LRP2BP: variants seen among roughly 807,000 people sequenced by gnomAD.
The protein encoded by LRP2BP is LRP2 binding protein.
A neutral mutation model predicts 45.2 loss-of-function variants in LRP2BP; 38 were observed. The observed-to-expected ratio is 0.84, with a 90% CI of 0.65 to 1.10. LRP2BP has a LOEUF of 1.10. Ranked by LOEUF, LRP2BP falls within the 50% of genes least tolerant of loss-of-function variation. The pLI is 0.00. For synonymous variants in LRP2BP, 153 were observed against 153.9 expected (o/e 0.99, Z 0.04); for missense variants, 385 against 418.9 (o/e 0.92, Z 0.71).
At chr4:185,380,064 C>T (rs1012275925) in intron 1 of LRP2BP, among the ~76,000 whole-genome samples, 2 of 152,214 alleles carry the variant, frequency 1.3e-5, no homozygotes, top group Non-Finnish European at 2.9e-5. Flanking sequence ...CTCCAGCAAT[C>T]CTCCTGTCTC....
chr4:185,374,833 A>G (rs1414999796), intron 4 of LRP2BP, among the ~76,000 whole-genome samples: 1 of 152,186 alleles, frequency 6.6e-6, no homozygotes, highest in East Asian at 1.9e-4. Flanking sequence ...AAGAATGGCC[A>G]GGAACAGCTT....
At chr4:185,376,247 AATT>A (rs1208195999) in intron 3 of LRP2BP, among the ~76,000 whole-genome samples, 4 of 152,178 alleles carry the variant, frequency 2.6e-5, no homozygotes, top group African/African-American at 9.7e-5. Context: ...TCAAGGCTTC[AATT>A]ATTATTAATA....
intron 1 of LRP2BP, among the ~76,000 whole-genome samples, chr4:185,383,133 C>G (rs939989274): frequency 6.6e-6 from 1 of 152,156 alleles, no homozygotes; most frequent in African/African-American, 2.4e-5. Context: ...TATATTAAAT[C>G]TTTTATAGGC....
Position 185,370,778 on chromosome 4 carries a change from C to G in LRP2BP, c.840G>C (p.Met280Ile). The change falls in exon 8 of 9, where the codon ATG (methionine) becomes ATC (isoleucine). Residue 280 changes from methionine (M) to isoleucine (I), a missense_variant. Physicochemically the swap from Met to Ile is conservative, Grantham distance 10. Coordinates refer to ENST00000505916, the MANE Select transcript of LRP2BP (RefSeq NM_001377440.1). ...ADYDEVHDIP[M>I]IAQVTDCLPE... Reference sequence around the variant, plus strand: ...GGAGACAGTCTGTGACCTGGGCGATCATGGGGATGTCGTGAACCTCATCAT... The same window carrying G: ...GGAGACAGTCTGTGACCTGGGCGATGATGGGGATGTCGTGAACCTCATCAT... The G allele has an allele frequency of 6.2e-7, 1 of 1,614,074 alleles. No homozygotes were observed. The highest frequency in any genetic ancestry group is 8.5e-7 in the Non-Finnish European group (1 of 1,180,020).
At chr4:185,371,398 T>C (rs149638520) in intron 7 of LRP2BP, among the ~76,000 whole-genome samples, 3,530 of 151,864 alleles carry the variant, frequency 0.023, 51 homozygotes, top group Non-Finnish European at 0.028. Context: ...AAAAATTAGC[T>C]GGGCATGGTA....
rs954050069 is a variant in LRP2BP, at chr4:185,366,938, C to T, written c.*242G>A. On this transcript the variant is annotated 3_prime_UTR_variant, in exon 9 of 9. Coordinates refer to ENST00000505916, the MANE Select transcript of LRP2BP (RefSeq NM_001377440.1). The stretch of plus-strand genomic sequence containing the variant: ...ATGGTTTTAATACTTGATATGGTCT[C>T]GGCCAGTCTGTAGGGTAAGAGGTGG... The T allele has an allele frequency of 2.5e-6, 1 of 396,210 alleles. No individual in the cohort carries two copies. Among genetic ancestry groups the T allele is most frequent in the South Asian group, 4.5e-5 (1 of 22,194 alleles). 24.5% of individuals were successfully genotyped at this position (396,210 alleles called of 1,614,324 possible).
chr4:185,393,382 T>C (rs180738173), intron 1 of LRP2BP, among the ~76,000 whole-genome samples: 1 of 152,364 alleles, frequency 6.6e-6, no homozygotes, highest in African/African-American at 2.4e-5. Context: ...TTGGTAATGC[T>C]TTCCAGTGTT....
chr4:185,371,391 A>C (rs1043105256), intron 7 of LRP2BP, among the ~76,000 whole-genome samples: 7 of 151,902 alleles, frequency 4.6e-5, no homozygotes, highest in Non-Finnish European at 7.4e-5. Flanking sequence ...AGATACAAAA[A>C]ATTAGCTGGG....
chr4:185,369,499 C>T (rs1055122697), intron 8 of LRP2BP, among the ~76,000 whole-genome samples: 1 of 152,100 alleles, frequency 6.6e-6, no homozygotes, highest in African/African-American at 2.4e-5. Context: ...CTGCCTCAGC[C>T]TCCCGAAGTG....
At chr4:185,397,225 G>C (rs1414613084), upstream of LRP2BP, 4 of 1,614,030 alleles carry the variant, frequency 2.5e-6, no homozygotes, top group African/African-American at 4.0e-5. Context: ...GCAGTCGCCT[G>C]TCCACTTAGC....
At chr4:185,370,521 A>G (rs1372693428) in intron 8 of LRP2BP, 119 bp downstream of exon 8, 2 of 986,270 alleles carry the variant, frequency 2.0e-6, no homozygotes, top group Non-Finnish European at 3.0e-6. Context: ...CTCTGTAGAC[A>G]GAGGTTATCT....
intron 7 of LRP2BP, among the ~76,000 whole-genome samples, chr4:185,371,561 A>AT (rs201110496): frequency 0.026 from 3,917 of 150,668 alleles, 75 homozygotes; most frequent in South Asian, 0.057. Context: ...AAAAAAAAAA[A>AT]AAGGATAATG....
In LRP2BP at chr4:185,374,177, G is replaced by C. The variant is rs751514591; in HGVS notation, c.537C>G (p.Leu179=). The change falls in exon 6 of 9, where the codon CTC becomes CTG. Residue 179 remains leucine, a synonymous_variant. Coordinates refer to ENST00000505916, the MANE Select transcript of LRP2BP (RefSeq NM_001377440.1). ...GCTCCTTGGTTGAGTAATACAGCCC[G>C]AGCATACTTTGAGCCTTCACACTAG... ...PKASVKAQSM[L]GLYYSTKEPK... 6.2e-7 allele frequency: 1 copy of C among 1,614,064 alleles called. No individual in the cohort carries two copies.
At chr4:185,384,027 C>T (rs2095463137) in intron 1 of LRP2BP, among the ~76,000 whole-genome samples, 1 of 152,156 alleles carries the variant, frequency 6.6e-6, no homozygotes, top group Admixed American at 6.5e-5. Context: ...GAGTCCTAGT[C>T]CTGACACAGT....
rs183507953 is a variant in LRP2BP at position 185,367,060 on chromosome 4, C to T, written c.*120G>A. The T allele has an allele frequency of 9.3e-6, 8 of 860,382 alleles. No individual in the cohort carries two copies. Among genetic ancestry groups the T allele is most frequent in the Non-Finnish European group, 1.5e-5 (8 of 546,350 alleles). 53.3% of individuals were successfully genotyped at this position (860,382 alleles called of 1,614,324 possible). On this transcript the variant is annotated 3_prime_UTR_variant, in exon 9 of 9. Transcript: ENST00000505916. Reference sequence around the variant, plus strand: ...ATTCAAGAACGAAGTAACATGTCACCTGTAAAATACCCAGGATAGTGTAAT... The same window carrying T: ...ATTCAAGAACGAAGTAACATGTCACTTGTAAAATACCCAGGATAGTGTAAT...
intron 1 of LRP2BP, among the ~76,000 whole-genome samples, chr4:185,391,797 A>G (rs1210760710): frequency 2.0e-5 from 3 of 152,180 alleles, no homozygotes; most frequent in African/African-American, 4.8e-5. Context: ...AGAGAATGGT[A>G]TTAGAAACCC....
chr4:185,376,885 A>G, intron 3 of LRP2BP, 24 bp downstream of exon 3: 1 of 1,540,490 alleles, frequency 6.5e-7, no homozygotes, highest in Non-Finnish European at 9.0e-7. Context: ...CAGGAAATGA[A>G]AACGAATAAA....
intron 2 of LRP2BP, chr4:185,377,770 A>G (rs1435028392): frequency 4.5e-6 from 1 of 219,958 alleles, no homozygotes; most frequent in Non-Finnish European, 8.8e-6. Context: ...AGGTATTTAA[A>G]TAATAATTGC....
intron 1 of LRP2BP, among the ~76,000 whole-genome samples, chr4:185,389,427 G>A (rs1465385276): frequency 1.3e-5 from 2 of 150,748 alleles, no homozygotes; most frequent in African/African-American, 4.9e-5. Flanking sequence ...GGCCAGACTC[G>A]TCTTGAACTC....
Sources: gnomAD v4.1 joint callset for allele counts (sites outside exome capture counted in the v4.1 genomes callset) on GRCh38, gnomAD v4.1.1 for gene constraint, MANE v1.5 for transcripts, NCBI Gene and HGNC (gene_info 2026-07-23, HGNC 2026-07-21) for gene names.